RALGAPB: variants seen among roughly 807,000 people sequenced by gnomAD.
RALGAPB encodes Ral GTPase activating protein non-catalytic subunit beta, also known as ral GTPase-activating protein subunit beta.
RALGAPB carries 25 observed loss-of-function variants against 161.1 expected under a neutral mutation model. The ratio of observed to expected loss-of-function variants is 0.16; its 90% CI spans 0.11 to 0.22. RALGAPB has a LOEUF of 0.22. RALGAPB is among the 10% of genes least tolerant of loss of function. The pLI is 1.00. For synonymous variants in RALGAPB, 629 were observed against 626.1 expected (o/e 1.00, Z -0.07); for missense variants, 1,391 against 1,815.2 (o/e 0.77, Z 4.25).
intron 28 of RALGAPB, among the ~76,000 whole-genome samples, chr20:38,571,926 A>G (rs1471226211): frequency 1.3e-5 from 2 of 151,952 alleles, no homozygotes; most frequent in African/African-American, 4.8e-5. Context: ...CTATCTCATT[A>G]TGATTTTGAT....
chr20:38,554,101 T>A, intron 22 of RALGAPB, 25 bp downstream of exon 22: 1 of 1,529,344 alleles, frequency 6.5e-7, no homozygotes, highest in Non-Finnish European at 9.1e-7. Context: ...CTTTTATGAA[T>A]AAATATATTC....
At chr20:38,526,501 A>G (rs1600948607) in intron 13 of RALGAPB, among the ~76,000 whole-genome samples, 1 of 152,128 alleles carries the variant, frequency 6.6e-6, no homozygotes, top group Middle Eastern at 3.4e-3. Flanking sequence ...TCTCAAACAC[A>G]TCAGCTAATG....
At chr20:38,516,576 A>G (rs1379757384) in intron 7 of RALGAPB, 2 of 533,994 alleles carry the variant, frequency 3.7e-6, no homozygotes, top group Non-Finnish European at 6.1e-6. Context: ...TGCAAAAGTA[A>G]TTGCGGTTTT....
chr20:38,478,333 T>C (rs2084866091), intron 1 of RALGAPB, among the ~76,000 whole-genome samples: 1 of 152,242 alleles, frequency 6.6e-6, no homozygotes, highest in African/African-American at 2.4e-5. Flanking sequence ...TCTAGGGTTG[T>C]TATTGGAATA....
intron 22 of RALGAPB, among the ~76,000 whole-genome samples, chr20:38,555,597 A>G (rs951569510): frequency 2.6e-5 from 4 of 152,222 alleles, no homozygotes; most frequent in African/African-American, 9.6e-5. Context: ...AAAATATACT[A>G]GAAGAAAATT....
At chr20:38,476,989 A>G (rs959720512) in intron 1 of RALGAPB, among the ~76,000 whole-genome samples, 3 of 152,216 alleles carry the variant, frequency 2.0e-5, no homozygotes, top group Non-Finnish European at 2.9e-5. Flanking sequence ...TTAGCTATAT[A>G]AACTGGGAAT....
intron 9 of RALGAPB, among the ~76,000 whole-genome samples, chr20:38,518,317 A>G (rs1221897782): frequency 6.6e-6 from 1 of 152,218 alleles, no homozygotes. Context: ...CAGCCAGGAT[A>G]ATAAAATTTA....
intron 22 of RALGAPB, 93 bp downstream of exon 22, chr20:38,554,169 TAAA>T: frequency 1.4e-5 from 12 of 864,940 alleles, no homozygotes; most frequent in Non-Finnish European, 1.7e-5. Context: ...AGAAGCGAAT[TAAA>T]AAAAAAAAAA....
chr20:38,543,729 T>C (rs2087057044), intron 18 of RALGAPB, among the ~76,000 whole-genome samples: 2 of 152,234 alleles, frequency 1.3e-5, no homozygotes, highest in South Asian at 2.1e-4. Flanking sequence ...TTTCAGGACC[T>C]CTTTTTTCTT....
At position 38,578,604 on chromosome 20, in the gene RALGAPB, GT is replaced by G. The variant is rs1328892678; in HGVS notation, c.*3638del. The stretch of plus-strand genomic sequence containing the variant: ...ATATATACAGTTTGTATGAATTTCA[GT>G]ATGTTGCCAAGACATGATTTTTTCT... On this transcript the variant is annotated 3_prime_UTR_variant, in exon 30 of 30. Transcript: ENST00000262879. 6.5e-6 allele frequency: 1 copy of G among 152,724 alleles called. No individual in the cohort carries two copies. Among genetic ancestry groups the G allele is most frequent in the African/African-American group, 2.4e-5 (1 of 41,562 alleles). 9.5% of individuals were successfully genotyped at this position (152,724 alleles called of 1,614,324 possible). A position where few individuals can be genotyped will look rare whatever the true frequency, so the allele number is the denominator to read the frequency against.
chr20:38,490,488 G>A (rs1334151358), intron 2 of RALGAPB, among the ~76,000 whole-genome samples: 4 of 151,356 alleles, frequency 2.6e-5, no homozygotes, highest in Non-Finnish European at 4.4e-5. Flanking sequence ...TATTACAGGC[G>A]TGAGCCACCG....
intron 13 of RALGAPB, among the ~76,000 whole-genome samples, chr20:38,529,683 G>GA (rs1169696311): frequency 3.4e-5 from 5 of 147,320 alleles, no homozygotes; most frequent in Admixed American, 6.8e-5. Context: ...ATACAAAAAA[G>GA]AAAAAAAAAA....
chr20:38,481,845 T>C (rs1964512699), intron 1 of RALGAPB, among the ~76,000 whole-genome samples: 1 of 152,234 alleles, frequency 6.6e-6, no homozygotes, highest in African/African-American at 2.4e-5. Context: ...CTCTGAATGT[T>C]CATATGTATA....
At chr20:38,476,061 T>C (rs979548677) in intron 1 of RALGAPB, among the ~76,000 whole-genome samples, 3 of 152,258 alleles carry the variant, frequency 2.0e-5, no homozygotes, top group Non-Finnish European at 4.4e-5. Flanking sequence ...CTTGTCCTTG[T>C]GTGTCTGATC....
chr20:38,561,464 A>G (rs1194563168), intron 23 of RALGAPB, among the ~76,000 whole-genome samples: 1 of 152,208 alleles, frequency 6.6e-6, no homozygotes, highest in Non-Finnish European at 1.5e-5. Context: ...ATAGATTAGC[A>G]TTGTATGAAT....
chr20:38,539,955 A>G lies in RALGAPB; in HGVS notation c.2559A>G (p.Glu853=). ...WLTEHPDMLD[E]KDCLKEVLEI... ...CAGAGCACCCTGATATGCTTGATGA[A>G]AAGGTGAGTTTATTTTATTTTAAAC... The change falls in exon 17 of 30, where the codon GAA becomes GAG. Residue 853 remains glutamate (E), a synonymous_variant. Transcript: ENST00000262879. 6.2e-7 allele frequency: 1 copy of G among 1,604,836 alleles called. No homozygotes were observed. The highest frequency in any genetic ancestry group is 8.5e-7 in the Non-Finnish European group (1 of 1,175,432).
chr20:38,553,090 A>G (rs897322988), intron 21 of RALGAPB, among the ~76,000 whole-genome samples: 4 of 152,104 alleles, frequency 2.6e-5, no homozygotes, highest in Non-Finnish European at 1.5e-5. Flanking sequence ...AAGTGAAGGG[A>G]TAGGAGTTGC....
chr20:38,547,475 A>G (rs1319886026), intron 19 of RALGAPB: 1 of 152,128 alleles, frequency 6.6e-6, no homozygotes, highest in Non-Finnish European at 1.5e-5. Flanking sequence ...TAAACCCTGT[A>G]TTGTCCCTTT....
At chr20:38,531,047 A>C in intron 13 of RALGAPB, 120 bp from the exon 14 acceptor site, 1 of 786,260 alleles carries the variant, frequency 1.3e-6, no homozygotes, top group Non-Finnish European at 2.1e-6. Flanking sequence ...TTTCATGGGT[A>C]TTTCAGGAAT....
Sources: allele counts gnomAD v4.1 joint callset (sites outside exome capture counted in the v4.1 genomes callset), GRCh38; gene constraint gnomAD v4.1.1; transcripts MANE v1.5; gene names NCBI Gene and HGNC (gene_info 2026-07-23, HGNC 2026-07-21).